TMTC1: variants seen among roughly 807,000 people sequenced by gnomAD.
The protein encoded by TMTC1 is protein O-mannosyl-transferase TMTC1.
In TMTC1, 73 loss-of-function variants were observed where a neutral mutation model predicts 104.8. The ratio of observed to expected loss-of-function variants is 0.70; its 90% confidence interval spans 0.58 to 0.85. TMTC1 has a LOEUF of 0.85. Ranked by LOEUF, TMTC1 falls within the 40% of genes least tolerant of loss-of-function variation. The probability of loss-of-function intolerance (pLI) is 0.00; values close to 1 mark genes in which losing one functional copy is unlikely to be tolerated. For synonymous variants in TMTC1, 434 were observed against 428.7 expected, an observed-to-expected ratio of 1.01 and a Z score of -0.15; for missense variants, 1,035 against 1,096.1, an observed-to-expected ratio of 0.94 and a Z score of 0.79.
chr12:29,563,622 A>C (rs1010517126), intron 9 of TMTC1, among the ~76,000 whole-genome samples: 3 of 152,286 alleles, frequency 2.0e-5, no homozygotes, highest in Non-Finnish European at 4.4e-5. Context: ...TGTTCTGCAA[A>C]ATATCAAGAG....
chr12:29,556,954 T>C lies in TMTC1; in HGVS notation c.1579A>G (p.Thr527Ala), dbSNP rs1945261948. Residue 527 changes from threonine to alanine, a missense_variant, in exon 10 of 18, where the codon ACG becomes GCG. Coordinates refer to ENST00000539277, the MANE Select transcript of TMTC1 (RefSeq NM_001193451.2). Reference protein sequence around the residue: ...ASALNNLGTLTRDTAEAKMYY... With the variant: ...ASALNNLGTLARDTAEAKMYY... ...ATCTTTGCCTCTGCTGTGTCTCTCG[T>C]CAGTGTTCCAAGGTTGTTGAGCGCA... The C allele has an allele frequency of 3.1e-6, 5 of 1,614,164 alleles. No homozygotes were observed. The highest frequency in any genetic ancestry group is 4.2e-6 in the Non-Finnish European group (5 of 1,180,010).
At chr12:29,721,958 T>C (rs1942248080) in intron 5 of TMTC1, among the ~76,000 whole-genome samples, 1 of 152,120 alleles carries the variant, frequency 6.6e-6, no homozygotes, top group African/African-American at 2.4e-5. Flanking sequence ...TGTTTTTCAG[T>C]TCTGGAAATC....
At chr12:29,552,138 C>T (rs1218804882) in intron 10 of TMTC1, among the ~76,000 whole-genome samples, 2 of 152,026 alleles carry the variant, frequency 1.3e-5, no homozygotes, top group Non-Finnish European at 2.9e-5. Flanking sequence ...CTTTCGAAGT[C>T]AAGGTTATTA....
At chr12:29,702,930 A>C (rs1043698465) in intron 5 of TMTC1, among the ~76,000 whole-genome samples, 2 of 152,182 alleles carry the variant, frequency 1.3e-5, no homozygotes, top group African/African-American at 4.8e-5. Context: ...GGATCACCTG[A>C]GGTCAGGAGA....
chr12:29,686,324 C>T (rs1430498744), intron 5 of TMTC1, among the ~76,000 whole-genome samples: 2 of 152,174 alleles, frequency 1.3e-5, no homozygotes, highest in Non-Finnish European at 2.9e-5. Context: ...TAAACATTAT[C>T]CATAAATGAT....
chr12:29,693,751 C>T (rs1941333390), intron 5 of TMTC1, among the ~76,000 whole-genome samples: 1 of 152,134 alleles, frequency 6.6e-6, no homozygotes, highest in Non-Finnish European at 1.5e-5. Context: ...TGACAAGTCT[C>T]TATTCAGTGT....
At chr12:29,587,382 G>A (rs1482338761) in intron 7 of TMTC1, among the ~76,000 whole-genome samples, 1 of 151,638 alleles carries the variant, frequency 6.6e-6, no homozygotes, top group African/African-American at 2.4e-5. Flanking sequence ...CTCCCAGGCT[G>A]GACTGTAGTG....
intron 5 of TMTC1, among the ~76,000 whole-genome samples, chr12:29,652,573 T>A (rs116143612): frequency 6.6e-6 from 1 of 152,222 alleles, no homozygotes; most frequent in East Asian, 1.9e-4. Flanking sequence ...AGCAGGCCTA[T>A]GACAGCAGAG....
intron 5 of TMTC1, among the ~76,000 whole-genome samples, chr12:29,680,967 C>A (rs756759365): frequency 6.6e-6 from 1 of 151,890 alleles, no homozygotes. Flanking sequence ...GGCATGGTGG[C>A]ACATGCCTGT....
At chr12:29,725,704 A>C (rs549120364) in intron 5 of TMTC1, among the ~76,000 whole-genome samples, 1 of 152,218 alleles carries the variant, frequency 6.6e-6, no homozygotes, top group Non-Finnish European at 1.5e-5. Flanking sequence ...CCAGTAATGA[A>C]GTTTTTGACA....
chr12:29,672,787 C>G (rs1940567913), intron 5 of TMTC1, among the ~76,000 whole-genome samples: 1 of 152,198 alleles, frequency 6.6e-6, no homozygotes, highest in Non-Finnish European at 1.5e-5. Flanking sequence ...CTGCAGACCA[C>G]AGCTCCTCCT....
At chr12:29,707,447 C>T (rs903627684) in intron 5 of TMTC1, among the ~76,000 whole-genome samples, 2 of 152,186 alleles carry the variant, frequency 1.3e-5, no homozygotes, top group Non-Finnish European at 2.9e-5. Flanking sequence ...CCCGCCTCTG[C>T]TCTTCAGCTC....
In TMTC1 at chr12:29,514,572, C is replaced by T. The variant is rs760032661; in HGVS notation, c.2340G>A (p.Leu780=). 10 of 1,614,072 alleles carry T rather than the reference C, an allele frequency of 6.2e-6. No individual in the cohort carries two copies. In the East Asian group the frequency reaches 8.9e-5, roughly 14 times the overall value. ...ALDAIDKALQ[L]KPKDPKVISE... is the part of the protein sequence containing the mutation. ...AAATGACTTTTGGGTCCTTTGGTTT[C>T]AGCTGGAGAGCCTTGTCTATAGCAT... The change falls in exon 16 of 18, where the codon CTG becomes CTA. Residue 780 remains leucine, a synonymous_variant. Coordinates refer to ENST00000539277, the MANE Select transcript of TMTC1 (RefSeq NM_001193451.2).
intron 7 of TMTC1, among the ~76,000 whole-genome samples, chr12:29,584,063 A>G (rs1388288275): frequency 2.6e-5 from 4 of 152,130 alleles, no homozygotes; most frequent in Admixed American, 2.0e-4. Flanking sequence ...ACCAAGGAGG[A>G]CTGTTCTCTG....
chr12:29,574,011 G>A (rs1213177401), intron 8 of TMTC1, among the ~76,000 whole-genome samples: 1 of 151,938 alleles, frequency 6.6e-6, no homozygotes, highest in Non-Finnish European at 1.5e-5. Flanking sequence ...GGAAAGGGAG[G>A]GGATGGGAGT....
In TMTC1 at chr12:29,605,148, G is replaced by A. The variant is rs1469578923; in HGVS notation, c.1129-849C>T. On this transcript the variant is annotated intron_variant, in intron 6 of 17. Coordinates refer to ENST00000539277, the MANE Select transcript of TMTC1 (RefSeq NM_001193451.2). ...GTACTGGAGAATATGTATTTTTTAA[G>A]TTTAAGAAAAAAACCAAATAGACTG... 3.3e-5 allele frequency among the ~76,000 whole-genome samples: 5 copies of A among 151,828 alleles called. No homozygotes were observed. The East Asian group carries it at 9.7e-4, about 29-fold the overall frequency.
At position 29,501,142 on chromosome 12, in the gene TMTC1, A is replaced by T. The variant is rs1037995788; in HGVS notation, c.*5704T>A. On this transcript the variant is annotated 3_prime_UTR_variant, in exon 18 of 18. Transcript: ENST00000539277. ...TAAAAGCAAGCCATGGCTTCTACAG[A>T]TATTTTAATTCCTTGGGAGGAAGTT... 3 of 152,280 alleles carry T rather than the reference A, an allele frequency of 2.0e-5. No homozygotes were observed. Among genetic ancestry groups the T allele is most frequent in the Admixed American group, 2.0e-4 (3 of 15,276 alleles). The allele number at this position is 152,280 out of a possible 1,614,324, so 9.4% of individuals were successfully genotyped here. A position where few individuals can be genotyped will look rare whatever the true frequency, so the allele number is the denominator to read the frequency against.
chr12:29,514,533 GA>G lies in TMTC1; in HGVS notation c.2378del (p.Phe793SerfsTer7). The G allele has an allele frequency of 6.2e-7, 1 of 1,613,948 alleles. No homozygotes were observed. Among genetic ancestry groups the G allele is most frequent in the Non-Finnish European group, 8.5e-7 (1 of 1,179,938 alleles). ...KDPKVISELF[F>X]TKGNQLREQN... ...GCTCTCTTAATTGGTTTCCTTTTGT[GA>G]AAAAAAGTTCAGAAATGACTTTTGG... On this transcript the variant is annotated frameshift_variant, in exon 16 of 18. Transcript: ENST00000539277. LOFTEE classifies it high-confidence loss of function.
At position 29,750,062 on chromosome 12, in the gene TMTC1, T is replaced by TACACACACACAC. The variant is rs34859060; in HGVS notation, c.938+1592_938+1603dup. Among the ~76,000 whole-genome samples the TACACACACACAC allele has an allele frequency of 6.0e-3, 873 of 146,626 alleles. 14 individuals carry two copies. Among genetic ancestry groups the TACACACACACAC allele is most frequent in the South Asian group, 0.037 (166 of 4,514 alleles). On this transcript the variant is annotated intron_variant, in intron 5 of 17. Transcript: ENST00000539277. ...AAAGAAATGTTATCATAACTGTCTA[T>TACACACACACAC]ACACACACACACACACACACACACA...
Sources: gnomAD v4.1 joint callset for allele counts (sites outside exome capture counted in the v4.1 genomes callset) on GRCh38, gnomAD v4.1.1 for gene constraint, MANE v1.5 for transcripts, NCBI Gene and HGNC (gene_info 2026-07-23, HGNC 2026-07-21) for gene names.